Variants in NAA15 observed in about 807,000 individuals in gnomAD.
NAA15 encodes N-alpha-acetyltransferase 15, NatA auxiliary subunit.
NAA15 carries 34 observed loss-of-function variants against 114.0 expected under a neutral mutation model. That is an observed-to-expected ratio of 0.30 (90% CI 0.23 to 0.40). The LOEUF (loss-of-function observed/expected upper bound fraction) is 0.40. Among genes scored for constraint, NAA15 ranks in the 10% least tolerant of loss-of-function variants. NAA15 has a pLI of 1.00. For missense variants in NAA15, 658 were observed against 1,004.5 expected, an observed-to-expected ratio of 0.66 and a Z score of 4.66; for synonymous variants, 340 against 338.0, an observed-to-expected ratio of 1.01 and a Z score of -0.06.
At chr4:139,351,118 G>A in intron 7 of NAA15, 73 bp from the exon 8 acceptor site, 1 of 692,640 alleles carries the variant, frequency 1.4e-6, no homozygotes, top group South Asian at 2.7e-5. Context: ...TATACTTTGA[G>A]AAGTTCGTAA....
chr4:139,376,558 C>A (rs907061468), intron 16 of NAA15, 85 bp downstream of exon 16: 21 of 822,352 alleles, frequency 2.6e-5, no homozygotes, highest in East Asian at 2.5e-5. Context: ...AGCCTTACCA[C>A]TGTACGATTA....
intron 1 of NAA15, among the ~76,000 whole-genome samples, chr4:139,319,740 A>G (rs767243317): frequency 2.6e-5 from 4 of 152,030 alleles, no homozygotes; most frequent in Non-Finnish European, 5.9e-5. Context: ...GCCAAGTTCT[A>G]TTTCTTAATA....
At chr4:139,307,796 C>T (rs1298820460) in intron 1 of NAA15, among the ~76,000 whole-genome samples, 6 of 152,014 alleles carry the variant, frequency 3.9e-5, no homozygotes, top group Non-Finnish European at 5.9e-5. Flanking sequence ...GTGTTAGTTA[C>T]AGTCTGGAAT....
At chr4:139,363,039 A>G (rs1020435402) in intron 14 of NAA15, among the ~76,000 whole-genome samples, 1 of 152,174 alleles carries the variant, frequency 6.6e-6, no homozygotes, top group African/African-American at 2.4e-5. Flanking sequence ...AGAAATTTCT[A>G]AGGTCACATA....
intron 13 of NAA15, 129 bp from the exon 14 acceptor site, chr4:139,361,595 G>A (rs920140655): frequency 6.7e-6 from 4 of 598,914 alleles, no homozygotes; most frequent in Non-Finnish European, 1.1e-5. Context: ...TTGAATAATT[G>A]TAATTGTTTT....
intron 6 of NAA15, among the ~76,000 whole-genome samples, chr4:139,347,286 G>C (rs898666713): frequency 6.6e-6 from 1 of 152,060 alleles, no homozygotes; most frequent in Admixed American, 6.6e-5. Flanking sequence ...TTCAGACATT[G>C]CTAAATGTTG....
At chr4:139,344,159 G>C (rs761779815) in intron 5 of NAA15, 27 bp from the exon 6 acceptor site, 6 of 1,532,314 alleles carry the variant, frequency 3.9e-6, no homozygotes, top group Non-Finnish European at 5.3e-6. Context: ...AATTCTTACT[G>C]TCAGTATTCC....
chr4:139,380,883 GTTTC>G (rs1185842790), intron 17 of NAA15, among the ~76,000 whole-genome samples: 4 of 152,078 alleles, frequency 2.6e-5, no homozygotes, highest in Admixed American at 6.6e-5. Flanking sequence ...TACCCCAAGG[GTTTC>G]TTTAACTAAA....
At chr4:139,323,459 G>T (rs1746690421) in intron 1 of NAA15, among the ~76,000 whole-genome samples, 1 of 152,176 alleles carries the variant, frequency 6.6e-6, no homozygotes, top group Non-Finnish European at 1.5e-5. Flanking sequence ...CTCCCAAAGT[G>T]CTGGGATTAC....
chr4:139,359,155 G>T (rs546762140), intron 11 of NAA15, among the ~76,000 whole-genome samples: 13 of 152,012 alleles, frequency 8.6e-5, no homozygotes, highest in Non-Finnish European at 1.8e-4. Context: ...TATTGACATG[G>T]AGTCTTACTG....
At position 139,360,001 on chromosome 4, in the gene NAA15, C is replaced by T. The variant is rs115451446; in HGVS notation, c.1410+106C>T. 3.3e-4 allele frequency: 335 copies of T among 1,002,436 alleles called. No homozygotes were observed. In the African/African-American group the frequency reaches 4.5e-3, roughly 13 times the overall value. The allele number at this position is 1,002,436 out of a possible 1,614,324, so 62.1% of individuals were successfully genotyped here. Reference sequence around the variant, plus strand: ...AGTTTGTCTTTAATATTTTTGACACCGTAATAGCCAAGATTTTAATTAAAT... The same window carrying T: ...AGTTTGTCTTTAATATTTTTGACACTGTAATAGCCAAGATTTTAATTAAAT... On this transcript the variant is annotated intron_variant, in intron 12 of 19. Coordinates refer to ENST00000296543, the MANE Select transcript of NAA15 (RefSeq NM_057175.5).
chr4:139,381,414 T>C (rs570357977), intron 17 of NAA15, among the ~76,000 whole-genome samples: 4 of 152,212 alleles, frequency 2.6e-5, no homozygotes, highest in Admixed American at 6.5e-5. Flanking sequence ...TGATCTACAG[T>C]GAAACTTAGG....
At chr4:139,359,644 C>T (rs1442090292) in intron 11 of NAA15, 99 bp from the exon 12 acceptor site, 3 of 1,210,242 alleles carry the variant, frequency 2.5e-6, no homozygotes, top group Non-Finnish European at 3.4e-6. Flanking sequence ...AATGCCTTTA[C>T]TTTCATTTGT....
chr4:139,342,742 C>G lies in NAA15; in HGVS notation c.403-84C>G, dbSNP rs1232507778. 1.8e-5 allele frequency: 25 copies of G among 1,354,914 alleles called. No homozygotes were observed. In the Admixed American group the frequency reaches 5.2e-4, roughly 28 times the overall value. 83.9% of individuals were successfully genotyped at this position (1,354,914 alleles called of 1,614,324 possible). ...GGATTACAGGCGTGAGCCACTGCGC[C>G]TGGCCTAATATGGAGATCTTTTAAA... On this transcript the variant is annotated intron_variant, in intron 4 of 19. Coordinates refer to ENST00000296543, the MANE Select transcript of NAA15 (RefSeq NM_057175.5).
rs1211290623 is a variant in NAA15 at position 139,389,617 on chromosome 4, T to A, written c.*1533T>A. On this transcript the variant is annotated 3_prime_UTR_variant, in exon 20 of 20. Coordinates refer to ENST00000296543, the MANE Select transcript of NAA15 (RefSeq NM_057175.5). Reference sequence around the variant, plus strand: ...AAAATGAGCCTTAATTTGTTAAACCTATACACTGAGAACTAGCCTCAGGCT... The same window carrying A: ...AAAATGAGCCTTAATTTGTTAAACCAATACACTGAGAACTAGCCTCAGGCT... 1.3e-5 allele frequency: 2 copies of A among 152,686 alleles called. No individual in the cohort carries two copies. Among genetic ancestry groups the A allele is most frequent in the Non-Finnish European group, 2.9e-5 (2 of 68,032 alleles). The allele number at this position is 152,686 out of a possible 1,614,324, so 9.5% of individuals were successfully genotyped here. A position where few individuals can be genotyped will look rare whatever the true frequency, so the allele number is the denominator to read the frequency against.
intron 2 of NAA15, among the ~76,000 whole-genome samples, chr4:139,334,830 C>T (rs553411931): frequency 2.0e-5 from 3 of 152,228 alleles, no homozygotes; most frequent in East Asian, 1.9e-4. Context: ...AGTTAAGAAA[C>T]GTGGCTGTTC....
At chr4:139,374,528 G>T (rs541276997) in intron 15 of NAA15, among the ~76,000 whole-genome samples, 1 of 152,072 alleles carries the variant, frequency 6.6e-6, no homozygotes, top group African/African-American at 2.4e-5. Flanking sequence ...TTTCATACAC[G>T]TAATACAAAG....
Position 139,387,737 on chromosome 4 carries a change from C to A in NAA15, c.2401-147C>A, listed in dbSNP as rs1405508493. 1.6e-5 allele frequency: 10 copies of A among 644,368 alleles called. No individual in the cohort carries two copies. In the African/African-American group the frequency reaches 1.8e-4, roughly 12 times the overall value. The allele number at this position is 644,368 out of a possible 1,614,324, so 39.9% of individuals were successfully genotyped here. ...GTTAAATTAGGCCTTGAAGAACATT[C>A]TAATAGAATGCATATGCAGGAGTAA... On this transcript the variant is annotated intron_variant, in intron 19 of 19. Coordinates refer to ENST00000296543, the MANE Select transcript of NAA15 (RefSeq NM_057175.5).
rs190068580 is a variant in NAA15 at position 139,371,940 on chromosome 4, G to C, written c.1947+1536G>C. On this transcript the variant is annotated intron_variant, in intron 15 of 19. Transcript: ENST00000296543. Reference sequence around the variant, plus strand: ...TTTGTTTGTTTGTTTGTTTGAGGTGGAGTCTTGCTCTGTTACCCAGGCTGG... The same window carrying C: ...TTTGTTTGTTTGTTTGTTTGAGGTGCAGTCTTGCTCTGTTACCCAGGCTGG... Among the ~76,000 whole-genome samples the C allele has an allele frequency of 8.6e-5, 13 of 152,026 alleles. No individual in the cohort carries two copies. The East Asian group carries it at 1.7e-3, about 20-fold the overall frequency.
Sources: allele counts gnomAD v4.1 joint callset (sites outside exome capture counted in the v4.1 genomes callset), GRCh38; gene constraint gnomAD v4.1.1; transcripts MANE v1.5; gene names NCBI Gene and HGNC (gene_info 2026-07-23, HGNC 2026-07-21).